Variants in EXOC6 observed in about 807,000 individuals in gnomAD.
EXOC6 encodes exocyst complex component 6, also known as SEC15-like 1.
A neutral mutation model predicts 112.5 loss-of-function variants in EXOC6; 60 were observed. The observed-to-expected ratio is 0.53, with a 90% confidence interval of 0.43 to 0.66. The LOEUF is 0.66. Ranked by LOEUF, EXOC6 falls within the 30% of genes least tolerant of loss-of-function variation. The probability of loss-of-function intolerance (pLI) is 0.00; values close to 1 mark genes in which losing one functional copy is unlikely to be tolerated. For synonymous variants in EXOC6, 295 were observed against 308.0 expected (o/e 0.96, Z 0.44); for missense variants, 855 against 957.1 (o/e 0.89, Z 1.41).
intron 1 of EXOC6, among the ~76,000 whole-genome samples, chr10:92,880,517 C>A (rs148987386): frequency 6.6e-6 from 1 of 152,120 alleles, no homozygotes; most frequent in African/African-American, 2.4e-5. Context: ...TATATCCTCA[C>A]AGCACTTGTG....
intron 18 of EXOC6, among the ~76,000 whole-genome samples, chr10:92,975,671 C>T (rs1449023128): frequency 7.8e-6 from 1 of 128,636 alleles, no homozygotes; most frequent in Non-Finnish European, 1.7e-5. Context: ...AGGGGCGCCT[C>T]TGCCCGGCAG....
chr10:93,046,484 T>C (rs986356911), intron 20 of EXOC6, among the ~76,000 whole-genome samples: 2 of 152,122 alleles, frequency 1.3e-5, no homozygotes, highest in African/African-American at 4.8e-5. Context: ...GGGAGACTGA[T>C]TTAGACTTAA....
At chr10:92,896,947 G>A (rs766390558) in intron 4 of EXOC6, among the ~76,000 whole-genome samples, 5 of 151,974 alleles carry the variant, frequency 3.3e-5, no homozygotes, top group African/African-American at 4.8e-5. Context: ...GTATATTTAC[G>A]TAAAAACTTT....
chr10:93,029,237 TTAA>T (rs1845162749), intron 20 of EXOC6, among the ~76,000 whole-genome samples: 1 of 152,232 alleles, frequency 6.6e-6, no homozygotes, highest in Non-Finnish European at 1.5e-5. Flanking sequence ...TATTGCACAC[TTAA>T]TAGACTATAG....
chr10:93,006,517 G>A (rs188922433), intron 19 of EXOC6, among the ~76,000 whole-genome samples: 1 of 152,190 alleles, frequency 6.6e-6, no homozygotes, highest in African/African-American at 2.4e-5. Context: ...TAGAGTAACA[G>A]TTGGTCCTCG....
intron 1 of EXOC6, among the ~76,000 whole-genome samples, chr10:92,870,015 G>A (rs1416804082): frequency 6.8e-6 from 1 of 146,660 alleles, no homozygotes; most frequent in Non-Finnish European, 1.5e-5. Flanking sequence ...GCAGTGGTGC[G>A]ATCTTGGCTC....
chr10:92,901,153 T>G (rs1589796127), intron 5 of EXOC6: 1 of 152,322 alleles, frequency 6.6e-6, no homozygotes, highest in African/African-American at 2.4e-5. Context: ...GTCCTTAGGT[T>G]ATGCTAAATT....
At chr10:92,854,901 G>T (rs1847526548) in intron 1 of EXOC6, among the ~76,000 whole-genome samples, 1 of 152,058 alleles carries the variant, frequency 6.6e-6, no homozygotes, top group South Asian at 2.1e-4. Context: ...GAGTATTTGG[G>T]TTTTTTCCCC....
At chr10:92,885,123 T>A (rs1314908001) in intron 1 of EXOC6, among the ~76,000 whole-genome samples, 1 of 152,208 alleles carries the variant, frequency 6.6e-6, no homozygotes, top group Non-Finnish European at 1.5e-5. Flanking sequence ...CAAGATACTT[T>A]GTTTAAATTC....
chr10:92,934,339 A>C lies in EXOC6; in HGVS notation c.1049A>C (p.His350Pro). Residue 350 changes from histidine (H) to proline (P), a missense_variant, in exon 11 of 22, where the codon CAT becomes CCT. Transcript: ENST00000260762. ...TTTGTGGTAGAAGATCACATTTTACATGTGACCCAAGGATTAGTAACCAGG... is the reference window on the plus strand; with the variant it reads ...TTTGTGGTAGAAGATCACATTTTACCTGTGACCCAAGGATTAGTAACCAGG... ...GFFVVEDHILHVTQGLVTRAY... is the reference protein window; with the variant it reads ...GFFVVEDHILPVTQGLVTRAY... 1 of 1,594,098 alleles carries C rather than the reference A, an allele frequency of 6.3e-7. No individual in the cohort carries two copies. The highest frequency in any genetic ancestry group is 8.5e-7 in the Non-Finnish European group (1 of 1,173,404).
intron 1 of EXOC6, among the ~76,000 whole-genome samples, chr10:92,827,254 G>T (rs544602927): frequency 6.6e-6 from 1 of 151,404 alleles, no homozygotes. Context: ...TGGGCAGATC[G>T]CTTGAGCTCA....
At chr10:92,857,774 G>T (rs1382242402) in intron 1 of EXOC6, among the ~76,000 whole-genome samples, 1 of 64,814 alleles carries the variant, frequency 1.5e-5, no homozygotes, top group Non-Finnish European at 2.5e-5. Context: ...ACCTTTACTG[G>T]TGTTCTTTGT....
At chr10:93,010,457 A>C (rs1288846765) in intron 19 of EXOC6, among the ~76,000 whole-genome samples, 3 of 152,140 alleles carry the variant, frequency 2.0e-5, no homozygotes, top group Admixed American at 6.5e-5. Flanking sequence ...TAATCACAGC[A>C]CTTTGGGAGA....
chr10:92,925,841 T>G (rs747916509), intron 8 of EXOC6, among the ~76,000 whole-genome samples: 7 of 152,158 alleles, frequency 4.6e-5, no homozygotes, highest in Admixed American at 2.0e-4. Context: ...AAAAAAAATT[T>G]TTTTTAAAGA....
chr10:92,942,413 G>T (rs908994972), intron 13 of EXOC6, among the ~76,000 whole-genome samples: 1 of 151,930 alleles, frequency 6.6e-6, no homozygotes, highest in Non-Finnish European at 1.5e-5. Flanking sequence ...ATTTTTTAGT[G>T]CCTAAGTGGC....
chr10:92,906,716 T>C (rs2133862111), intron 5 of EXOC6, among the ~76,000 whole-genome samples: 1 of 152,308 alleles, frequency 6.6e-6, no homozygotes, highest in South Asian at 2.1e-4. Context: ...ATAAGGTAAA[T>C]TCCATTATAT....
At chr10:92,882,876 C>T (rs1211508864) in intron 1 of EXOC6, among the ~76,000 whole-genome samples, 2 of 152,090 alleles carry the variant, frequency 1.3e-5, no homozygotes, top group African/African-American at 4.8e-5. Context: ...ATTTATATAA[C>T]AAAGAATACA....
intron 20 of EXOC6, among the ~76,000 whole-genome samples, chr10:93,055,668 A>G (rs1027859485): frequency 1.4e-5 from 2 of 144,578 alleles, no homozygotes; most frequent in Non-Finnish European, 3.0e-5. Context: ...ATATTCTTTA[A>G]CATTGTCTCA....
chr10:92,877,503 A>G (rs906197821), intron 1 of EXOC6, among the ~76,000 whole-genome samples: 5 of 152,200 alleles, frequency 3.3e-5, no homozygotes, highest in South Asian at 4.1e-4. Flanking sequence ...GATGTATGCA[A>G]AATTGCTTTG....
Sources: allele counts gnomAD v4.1 joint callset (sites outside exome capture counted in the v4.1 genomes callset), GRCh38; gene constraint gnomAD v4.1.1; transcripts MANE v1.5; gene names NCBI Gene and HGNC (gene_info 2026-07-23, HGNC 2026-07-21).